Variants in MGAT5 observed in about 807,000 individuals in gnomAD.
MGAT5 encodes alpha-1,6-mannosylglycoprotein 6-beta-N-acetylglucosaminyltransferase A.
Under a neutral mutation model 94.3 loss-of-function variants are expected in MGAT5, and 30 were observed. The ratio of observed to expected loss-of-function variants is 0.32; its 90% CI spans 0.24 to 0.43. The LOEUF (loss-of-function observed/expected upper bound fraction) is 0.43, where lower values mean the gene tolerates loss of function less well. Among genes scored for constraint, MGAT5 ranks in the 20% least tolerant of loss-of-function variants. The probability of loss-of-function intolerance (pLI) is 1.00; values close to 1 mark genes in which losing one functional copy is unlikely to be tolerated. For synonymous variants in MGAT5, 310 were observed against 322.9 expected (o/e 0.96, Z 0.43); for missense variants, 691 against 905.5 (o/e 0.76, Z 3.04).
chr2:134,382,689 C>G (rs1427069162), intron 10 of MGAT5, among the ~76,000 whole-genome samples: 1 of 152,192 alleles, frequency 6.6e-6, no homozygotes, highest in African/African-American at 2.4e-5. Context: ...CAGAAGATCT[C>G]TTGGTGGACT....
At chr2:134,130,207 G>GCCCCA (rs1686070409) in intron 1 of MGAT5, among the ~76,000 whole-genome samples, 1 of 67,640 alleles carries the variant, frequency 1.5e-5, no homozygotes, top group Non-Finnish European at 3.0e-5. Flanking sequence ...AGCCCGCCCC[G>GCCCCA]CCCCACACCG....
At chr2:134,280,977 T>C (rs544519185) in intron 2 of MGAT5, among the ~76,000 whole-genome samples, 2 of 152,344 alleles carry the variant, frequency 1.3e-5, no homozygotes, top group African/African-American at 4.8e-5. Flanking sequence ...AACCGGACCT[T>C]GTGAAAGGGC....
At chr2:134,130,397 C>A (rs535696541) in intron 1 of MGAT5, among the ~76,000 whole-genome samples, 14 of 152,316 alleles carry the variant, frequency 9.2e-5, no homozygotes, top group African/African-American at 2.9e-4. Flanking sequence ...GGAATGCAGG[C>A]GCGGGGCGTG....
At chr2:134,298,622 T>G (rs1350900402) in intron 2 of MGAT5, among the ~76,000 whole-genome samples, 1 of 152,174 alleles carries the variant, frequency 6.6e-6, no homozygotes, top group South Asian at 2.1e-4. Context: ...TAAATATAGT[T>G]GTGAATTTCC....
chr2:134,202,900 T>C (rs1289125627), intron 1 of MGAT5, among the ~76,000 whole-genome samples: 2 of 152,072 alleles, frequency 1.3e-5, no homozygotes, highest in African/African-American at 4.8e-5. Context: ...AGGAAAGTCA[T>C]GCGGAGTCAA....
chr2:134,189,607 T>TTTTTTTTTTTTGTTG lies in MGAT5; in HGVS notation c.-142-64644_-142-64643insGTTGTTTTTTTTTTT, dbSNP rs1553490424. Among the ~76,000 whole-genome samples, 32 of 80,668 alleles carry TTTTTTTTTTTTGTTG rather than the reference T, an allele frequency of 4.0e-4. 1 individual carries two copies. The highest frequency in any genetic ancestry group is 5.6e-4 in the Non-Finnish European group (24 of 42,864). The allele number at this position is 80,668 out of a possible 152,430, so 52.9% of individuals were successfully genotyped here. A position where few individuals can be genotyped will look rare whatever the true frequency, so the allele number is the denominator to read the frequency against. On this transcript the variant is annotated intron_variant, in intron 1 of 16. Transcript: ENST00000409645. ...CATGGCTCTAGTTTTTTTTTGTTTT[T>TTTTTTTTTTTTGTTG]TTTTTTTTTTTTTAAGACAGAGTCT...
chr2:134,428,502 T>C, intron 14 of MGAT5, 63 bp downstream of exon 14: 1 of 1,439,000 alleles, frequency 6.9e-7, no homozygotes, highest in Non-Finnish European at 9.7e-7. Flanking sequence ...GCCATAGGGC[T>C]CTCAAGAACA....
At chr2:134,377,863 T>C (rs1293152691) in intron 10 of MGAT5, among the ~76,000 whole-genome samples, 1 of 152,152 alleles carries the variant, frequency 6.6e-6, no homozygotes, top group Non-Finnish European at 1.5e-5. Context: ...TGACTAATGC[T>C]CATACTAGCA....
chr2:134,248,009 C>A lies in MGAT5; in HGVS notation c.-142-6253C>A, dbSNP rs574290676. Reference sequence around the variant, plus strand: ...TTCTGTAATCTCACTGCCCTGCCCCCCTAGAATTTTCTTCTGGAGTGTTTT... The same window carrying A: ...TTCTGTAATCTCACTGCCCTGCCCCACTAGAATTTTCTTCTGGAGTGTTTT... On this transcript the variant is annotated intron_variant, in intron 1 of 16. Transcript: ENST00000409645. Among the ~76,000 whole-genome samples the A allele has an allele frequency of 2.3e-4, 35 of 152,294 alleles. 1 individual carries two copies. Among genetic ancestry groups the A allele is most frequent in the Middle Eastern group, 6.8e-3 (2 of 294 alleles).
intron 1 of MGAT5, among the ~76,000 whole-genome samples, chr2:134,188,773 A>AC (rs58302974): frequency 0.33 from 50,596 of 151,816 alleles, 9,048 homozygotes; most frequent in East Asian, 0.47. Flanking sequence ...ATGGTTCCCA[A>AC]AAGGCTGTTC....
chr2:134,134,405 G>C (rs535522258), intron 1 of MGAT5, among the ~76,000 whole-genome samples: 1 of 152,276 alleles, frequency 6.6e-6, no homozygotes, highest in East Asian at 1.9e-4. Flanking sequence ...GAGGCTCTAG[G>C]AACCCCACAA....
chr2:134,443,929 C>T (rs1685632410), intron 15 of MGAT5, among the ~76,000 whole-genome samples: 1 of 152,192 alleles, frequency 6.6e-6, no homozygotes, highest in African/African-American at 2.4e-5. Flanking sequence ...AGCACGGCTT[C>T]CTTCCTGGCC....
chr2:134,387,333 T>TATATATATATA (rs1491455775), intron 10 of MGAT5, among the ~76,000 whole-genome samples: 26 of 9,786 alleles, frequency 2.7e-3, no homozygotes, highest in South Asian at 9.5e-3. Flanking sequence ...TATATATATA[T>TATATATATATA]TTTTTTTTTT....
At chr2:134,131,648 A>G (rs943991788) in intron 1 of MGAT5, among the ~76,000 whole-genome samples, 9 of 133,908 alleles carry the variant, frequency 6.7e-5, no homozygotes, top group African/African-American at 2.0e-4. Context: ...TGTATCCACT[A>G]TCCACACTCT....
At chr2:134,195,569 A>G (rs1679455639) in intron 1 of MGAT5, among the ~76,000 whole-genome samples, 1 of 152,196 alleles carries the variant, frequency 6.6e-6, no homozygotes, top group African/African-American at 2.4e-5. Flanking sequence ...TGGTTTCATA[A>G]TTTATGTACG....
chr2:134,172,087 A>G (rs1055111337), intron 1 of MGAT5, among the ~76,000 whole-genome samples: 4 of 152,158 alleles, frequency 2.6e-5, no homozygotes, highest in African/African-American at 9.7e-5. Flanking sequence ...GCAGAAGGCT[A>G]TTTTTTACTT....
chr2:134,120,265 C>T (rs1331400302), exon 1 of MGAT5: 1 of 386,370 alleles, frequency 2.6e-6, no homozygotes, highest in African/African-American at 2.1e-5. Context: ...CGGGTGCTCC[C>T]GGCTGCTGCT....
At chr2:134,265,892 G>T (rs1163044136) in intron 1 of MGAT5, among the ~76,000 whole-genome samples, 3 of 152,098 alleles carry the variant, frequency 2.0e-5, no homozygotes, top group Non-Finnish European at 1.5e-5. Context: ...CAAATGGTCT[G>T]GGCGCGGTGG....
intron 1 of MGAT5, among the ~76,000 whole-genome samples, chr2:134,162,877 C>T (rs916559563): frequency 9.2e-5 from 14 of 152,114 alleles, no homozygotes; most frequent in Non-Finnish European, 8.8e-5. Context: ...ATGTTAAGTG[C>T]CTTGCAAACT....
Sources: allele counts gnomAD v4.1 joint callset (sites outside exome capture counted in the v4.1 genomes callset), GRCh38; gene constraint gnomAD v4.1.1; transcripts MANE v1.5; gene names NCBI Gene and HGNC (gene_info 2026-07-23, HGNC 2026-07-21).